The following KCNAB2 variants were observed in gnomAD, a reference collection of about 807,000 sequenced individuals.
KCNAB2 encodes the protein voltage-gated potassium channel subunit beta-2.
A neutral mutation model predicts 63.6 loss-of-function variants in KCNAB2; 29 were observed. The ratio of observed to expected loss-of-function variants is 0.46; its 90% CI spans 0.34 to 0.62. The LOEUF (loss-of-function observed/expected upper bound fraction) is 0.62. Ranked by LOEUF, KCNAB2 falls within the 20% of genes least tolerant of loss-of-function variation. The pLI is 0.01. For synonymous variants in KCNAB2, 222 were observed against 224.2 expected (o/e 0.99, Z 0.09); for missense variants, 359 against 563.9 (o/e 0.64, Z 3.68).
At chr1:6,095,469 C>T (rs376873751) in intron 12 of KCNAB2, 26 bp downstream of exon 12, 29 of 1,611,430 alleles carry the variant, frequency 1.8e-5, no homozygotes, top group African/African-American at 1.6e-4. Flanking sequence ...CCCCTCGCCC[C>T]GCCCCACCCC....
chr1:6,017,026 G>A (rs139473582), intron 1 of KCNAB2, among the ~76,000 whole-genome samples: 95 of 152,246 alleles, frequency 6.2e-4, no homozygotes, highest in Admixed American at 1.2e-3. Flanking sequence ...ACAAAATACC[G>A]TGACCAGGAG....
chr1:6,093,957 A>G (rs975975062), intron 10 of KCNAB2, among the ~76,000 whole-genome samples: 1 of 152,026 alleles, frequency 6.6e-6, no homozygotes, highest in Non-Finnish European at 1.5e-5. Flanking sequence ...GCAAAAACAC[A>G]TGTCCCTCCT....
At chr1:6,059,230 G>A (rs573098467) in intron 2 of KCNAB2, among the ~76,000 whole-genome samples, 6 of 152,142 alleles carry the variant, frequency 3.9e-5, no homozygotes, top group South Asian at 2.1e-4. Context: ...TTGCTCTGTC[G>A]CCCAGGCTGG....
intron 1 of KCNAB2, among the ~76,000 whole-genome samples, chr1:6,013,297 A>T (rs1185583148): frequency 6.6e-6 from 1 of 152,010 alleles, no homozygotes; most frequent in African/African-American, 2.4e-5. Flanking sequence ...ACAGTCACAC[A>T]GGCTGGGGTA....
chr1:6,029,480 T>C (rs963911569), upstream of KCNAB2, among the ~76,000 whole-genome samples: 3 of 152,138 alleles, frequency 2.0e-5, no homozygotes, highest in Non-Finnish European at 4.4e-5. Flanking sequence ...TTCATGCAGA[T>C]GGCACAGATG....
chr1:6,090,091 C>T (rs1403914632), intron 8 of KCNAB2, among the ~76,000 whole-genome samples: 2 of 152,234 alleles, frequency 1.3e-5, no homozygotes, highest in Non-Finnish European at 2.9e-5. Flanking sequence ...TTGTAATACA[C>T]AGTGGCCTCA....
chr1:5,998,297 C>G (rs1259205428), intron 1 of KCNAB2, among the ~76,000 whole-genome samples: 2 of 152,208 alleles, frequency 1.3e-5, no homozygotes, highest in Non-Finnish European at 2.9e-5. Context: ...CTGGAGCCCC[C>G]CAAGCTTTTC....
chr1:6,065,254 C>T (rs1416486772), intron 2 of KCNAB2, among the ~76,000 whole-genome samples: 2 of 152,250 alleles, frequency 1.3e-5, no homozygotes, highest in East Asian at 3.8e-4. Flanking sequence ...GCAGCGCCTG[C>T]CCAGGCCTCA....
intron 11 of KCNAB2, 125 bp downstream of exon 11, chr1:6,094,610 A>AAGGG (rs1665467427): frequency 2.7e-6 from 2 of 732,540 alleles, no homozygotes; most frequent in South Asian, 3.4e-5. Flanking sequence ...CCTGGGTGCT[A>AAGGG]AGGGAGGGAC....
Position 6,028,543 on chromosome 1 carries a change from C to T in KCNAB2, c.-52-11974C>T, listed in dbSNP as rs137955674. On this transcript the variant is annotated intron_variant, in intron 1 of 16. Transcript: ENST00000341524. The surrounding 1 kb of genome is among the most constrained non-coding windows in gnomAD (Gnocchi z 4.0). ...TCACACCTAGCCCAGAACAGCCCCC[C>T]TCTCTCCATCCCTTCTGCGATGTTC... is the stretch of plus-strand genomic sequence containing the variant. Among the ~76,000 whole-genome samples, 1,178 of 152,348 alleles carry T rather than the reference C, an allele frequency of 7.7e-3. 26 individuals carry two copies. Among genetic ancestry groups the T allele is most frequent in the African/African-American group, 0.027 (1,118 of 41,576 alleles).
intron 2 of KCNAB2, among the ~76,000 whole-genome samples, chr1:6,059,598 G>C (rs1004709534): frequency 6.6e-6 from 1 of 152,002 alleles, no homozygotes; most frequent in Non-Finnish European, 1.5e-5. Context: ...ATGTGCTGGC[G>C]CCGTGGTCAT....
At chr1:6,018,971 C>A (rs995685213) in intron 1 of KCNAB2, 3 of 152,280 alleles carry the variant, frequency 2.0e-5, no homozygotes, top group Admixed American at 2.0e-4. Context: ...AAATGTTATT[C>A]TTCTTTTGGT....
intron 1 of KCNAB2, among the ~76,000 whole-genome samples, chr1:6,036,519 A>G (rs1660052475): frequency 6.6e-6 from 1 of 152,182 alleles, no homozygotes; most frequent in East Asian, 1.9e-4. Context: ...AGAAAAAAGA[A>G]ACTGTGTTTT....
intron 1 of KCNAB2, among the ~76,000 whole-genome samples, chr1:6,011,367 C>T (rs1658136469): frequency 8.4e-6 from 1 of 119,374 alleles, no homozygotes; most frequent in Non-Finnish European, 1.7e-5. Context: ...GCCAGGTGTG[C>T]GGGAGGCGAG....
intron 1 of KCNAB2, among the ~76,000 whole-genome samples, chr1:6,015,455 G>T (rs1451621679): frequency 1.3e-5 from 2 of 152,196 alleles, no homozygotes; most frequent in African/African-American, 2.4e-5. Context: ...TTACATATTT[G>T]CTGCTTTTGC....
intron 4 of KCNAB2, among the ~76,000 whole-genome samples, chr1:6,075,804 T>C (rs1414318819): frequency 6.6e-6 from 1 of 152,214 alleles, no homozygotes; most frequent in Admixed American, 6.5e-5. Context: ...TACATTCACA[T>C]ACTGTGCCAC....
At chr1:6,025,831 GCCCACC>G (rs1659111911) in intron 1 of KCNAB2, among the ~76,000 whole-genome samples, 1 of 152,006 alleles carries the variant, frequency 6.6e-6, no homozygotes, top group African/African-American at 2.4e-5. Context: ...AAGGTGGGCA[GCCCACC>G]CCAGCACACA....
Position 6,073,838 on chromosome 1 carries a change from C to CCGCGTGGACCAGTGAG in KCNAB2, c.300+70_300+85dup, listed in dbSNP as rs1663434781. 1 of 1,505,894 alleles carries CCGCGTGGACCAGTGAG rather than the reference C, an allele frequency of 6.6e-7. No individual in the cohort carries two copies. Among genetic ancestry groups the CCGCGTGGACCAGTGAG allele is most frequent in the African/African-American group, 1.4e-5 (1 of 72,772 alleles). The allele number at this position is 1,505,894 out of a possible 1,614,324, so 93.3% of individuals were successfully genotyped here. A position where few individuals can be genotyped will look rare whatever the true frequency, so the allele number is the denominator to read the frequency against. ...TCGCCAGAGCACATGGTTAAGTCTG[C>CCGCGTGGACCAGTGAG]CGCGTGGACCAGTGAGCACGTGCTC... On this transcript the variant is annotated intron_variant, in intron 4 of 15. Transcript: ENST00000378083. The surrounding 1 kb of genome is among the most constrained non-coding windows in gnomAD (Gnocchi z 5.7).
At chr1:6,097,095 C>G (rs538343570) in intron 14 of KCNAB2, among the ~76,000 whole-genome samples, 174 bp from the exon 15 acceptor site, 183 of 152,332 alleles carry the variant, frequency 1.2e-3, no homozygotes, top group Admixed American at 2.7e-3. Flanking sequence ...TCCCCCATGC[C>G]TCCTCCAGCC....
Sources: allele counts gnomAD v4.1 joint callset (sites outside exome capture counted in the v4.1 genomes callset), GRCh38; gene constraint gnomAD v4.1.1; non-coding constraint Gnocchi (gnomAD v3.1); transcripts MANE v1.5; gene names NCBI Gene and HGNC (gene_info 2026-07-23, HGNC 2026-07-21).